KLHL32: variants seen among roughly 807,000 people sequenced by gnomAD.
The protein encoded by KLHL32 is kelch like family member 32.
KLHL32 carries 35 observed loss-of-function variants against 64.8 expected under a neutral mutation model. The ratio of observed to expected loss-of-function variants is 0.54; its 90% CI spans 0.41 to 0.72. The LOEUF (loss-of-function observed/expected upper bound fraction) is 0.72. KLHL32 is among the 30% of genes least tolerant of loss of function. KLHL32 has a pLI of 0.00. For missense variants in KLHL32, 589 were observed against 768.5 expected, an observed-to-expected ratio of 0.77 and a Z score of 2.76; for synonymous variants, 259 against 281.0, an observed-to-expected ratio of 0.92 and a Z score of 0.78.
intron 3 of KLHL32, among the ~76,000 whole-genome samples, chr6:97,018,704 A>G (rs955694731): frequency 6.6e-6 from 1 of 152,320 alleles, no homozygotes; most frequent in South Asian, 2.1e-4. Context: ...AACAATATTA[A>G]TATGCTATAA....
chr6:97,126,368 A>T (rs1798879491), intron 7 of KLHL32, among the ~76,000 whole-genome samples: 1 of 150,332 alleles, frequency 6.7e-6, no homozygotes. Context: ...GAGTTTTTCC[A>T]CTTAATGGTA....
chr6:97,081,048 C>G (rs930760624), intron 5 of KLHL32, among the ~76,000 whole-genome samples: 1 of 152,110 alleles, frequency 6.6e-6, no homozygotes, highest in African/African-American at 2.4e-5. Context: ...GTGAGGCCAA[C>G]AGATCAGGAG....
intron 1 of KLHL32, among the ~76,000 whole-genome samples, chr6:96,945,484 T>G (rs1464323116): frequency 2.0e-5 from 3 of 152,186 alleles, no homozygotes; most frequent in Non-Finnish European, 4.4e-5. Context: ...AGAGCAAAAG[T>G]TTAATTTCCA....
At position 97,041,554 on chromosome 6, in the gene KLHL32, C is replaced by A; in HGVS notation, c.267C>A (p.Thr89=). ...ATGAGGTTAATTTGCACGGTGTGACCAGCCTTGGCTTAAAGCAGGCTCTGG... is the reference window on the plus strand; with the variant it reads ...ATGAGGTTAATTTGCACGGTGTGACAAGCCTTGGCTTAAAGCAGGCTCTGG... ...GADEVNLHGV[T]SLGLKQALEF... The change falls in exon 4 of 11, where the codon ACC becomes ACA. Residue 89 remains threonine, a synonymous_variant. Transcript: ENST00000369261. The A allele has an allele frequency of 6.2e-7, 1 of 1,613,790 alleles. No homozygotes were observed. The highest frequency in any genetic ancestry group is 8.5e-7 in the Non-Finnish European group (1 of 1,179,774).
chr6:97,027,832 A>G (rs894876373), intron 3 of KLHL32, among the ~76,000 whole-genome samples: 1 of 152,220 alleles, frequency 6.6e-6, no homozygotes, highest in Non-Finnish European at 1.5e-5. Context: ...CTAACATTTT[A>G]TGACTCCGAG....
At chr6:97,081,170 G>C (rs1477148103) in intron 5 of KLHL32, among the ~76,000 whole-genome samples, 1 of 152,144 alleles carries the variant, frequency 6.6e-6, no homozygotes, top group East Asian at 1.9e-4. Flanking sequence ...GAAGGAGTGA[G>C]GGGGGAAAAG....
At chr6:96,908,285 T>C in the KLHL32 span, among the ~76,000 whole-genome samples, 1 of 152,184 alleles carries the variant, frequency 6.6e-6, no homozygotes, top group Non-Finnish European at 1.5e-5. Context: ...TGATGTTAAT[T>C]AACATCAAGA....
In KLHL32 at chr6:96,951,604, C is replaced by G. The variant is rs572259468; in HGVS notation, c.-65-15392C>G. 2.0e-5 allele frequency among the ~76,000 whole-genome samples: 3 copies of G among 152,198 alleles called. No homozygotes were observed. The East Asian group carries it at 5.8e-4, about 29-fold the overall frequency. ...ATCATCATCAAGACAATATTAATTG[C>G]TCACTATTAATATTGAGCAATATGC... On this transcript the variant is annotated intron_variant, in intron 1 of 10. Transcript: ENST00000369261.
At chr6:96,962,157 T>C (rs2128026862) in intron 1 of KLHL32, among the ~76,000 whole-genome samples, 1 of 152,328 alleles carries the variant, frequency 6.6e-6, no homozygotes, top group East Asian at 1.9e-4. Context: ...ATAAGATATT[T>C]ATTTTGTCTG....
At chr6:97,042,909 G>A (rs1737647) in intron 4 of KLHL32, among the ~76,000 whole-genome samples, 26,090 of 152,168 alleles carry the variant, frequency 0.17, 2,606 homozygotes, top group African/African-American at 0.29. Flanking sequence ...TTGATTCTTC[G>A]TGAAAAGGCT....
rs959258335 is a variant in KLHL32 at position 96,951,313 on chromosome 6, T to G, written c.-65-15683T>G. On this transcript the variant is annotated intron_variant, in intron 1 of 10. Transcript: ENST00000369261. ...CCTATACACCTTGTTCCTGGAGTATTATGAATTTGGGCTGCATTTACCTAG... is the reference window on the plus strand; with the variant it reads ...CCTATACACCTTGTTCCTGGAGTATGATGAATTTGGGCTGCATTTACCTAG... Among the ~76,000 whole-genome samples the G allele has an allele frequency of 2.6e-5, 4 of 152,228 alleles. No individual in the cohort carries two copies. In the East Asian group the frequency reaches 5.8e-4, roughly 22 times the overall value.
At position 96,931,738 on chromosome 6, in the gene KLHL32, T is replaced by A. The variant is rs138425001; in HGVS notation, c.-66+6712T>A. ...TTCTTTATAGCTCCAGAAAAGAATATGGTAAAAAATGTTTTGTAATGGAGA... is the reference window on the plus strand; with the variant it reads ...TTCTTTATAGCTCCAGAAAAGAATAAGGTAAAAAATGTTTTGTAATGGAGA... On this transcript the variant is annotated intron_variant, in intron 1 of 10. Coordinates refer to ENST00000369261, the MANE Select transcript of KLHL32 (RefSeq NM_052904.4). 5.6e-3 allele frequency among the ~76,000 whole-genome samples: 845 copies of A among 152,250 alleles called. 6 individuals are homozygous for A. Among genetic ancestry groups the A allele is most frequent in the African/African-American group, 0.019 (777 of 41,548 alleles).
chr6:97,039,089 C>CAAAAAAAAA (rs535614966), intron 3 of KLHL32, among the ~76,000 whole-genome samples: 3 of 75,050 alleles, frequency 4.0e-5, no homozygotes, highest in African/African-American at 8.7e-5. Flanking sequence ...GACTCTGTCT[C>CAAAAAAAAA]AAAAAAAAAA....
chr6:96,929,146 A>C (rs1231378118), intron 1 of KLHL32, among the ~76,000 whole-genome samples: 9 of 152,220 alleles, frequency 5.9e-5, no homozygotes, highest in Non-Finnish European at 1.5e-5. Context: ...TGTTCAGCAC[A>C]AGGTAACAGG....
chr6:97,026,137 A>G (rs920660109), intron 3 of KLHL32, among the ~76,000 whole-genome samples: 4 of 152,076 alleles, frequency 2.6e-5, no homozygotes, highest in African/African-American at 7.2e-5. Context: ...AAGTCCATCT[A>G]ATTATTTTTT....
At chr6:96,905,254 A>G in the KLHL32 span, among the ~76,000 whole-genome samples, 1 of 152,252 alleles carries the variant, frequency 6.6e-6, no homozygotes, top group Non-Finnish European at 1.5e-5. Flanking sequence ...ATTATGAAAG[A>G]TTATGAAAAT....
chr6:96,962,194 CA>C (rs747197133), intron 1 of KLHL32, among the ~76,000 whole-genome samples: 9 of 151,858 alleles, frequency 5.9e-5, no homozygotes, highest in Non-Finnish European at 1.0e-4. Context: ...GGTTTGACTT[CA>C]AAAAAACCCA....
At chr6:96,994,661 G>A (rs2128069118) in intron 3 of KLHL32, 1 of 977,316 alleles carries the variant, frequency 1.0e-6, no homozygotes, top group Non-Finnish European at 1.2e-6. Flanking sequence ...TGAATGATTA[G>A]TTGCGTGCAA....
intron 1 of KLHL32, among the ~76,000 whole-genome samples, chr6:96,962,843 T>G (rs192968176): frequency 8.3e-4 from 126 of 152,346 alleles, no homozygotes; most frequent in African/African-American, 2.9e-3. Context: ...TATTGATATG[T>G]GCAAACAGCT....
Sources: gnomAD v4.1 joint callset for allele counts (sites outside exome capture counted in the v4.1 genomes callset) on GRCh38, gnomAD v4.1.1 for gene constraint, MANE v1.5 for transcripts, NCBI Gene and HGNC (gene_info 2026-07-23, HGNC 2026-07-21) for gene names.